Variants in RETREG1 observed in about 807,000 individuals in gnomAD.
The protein encoded by RETREG1 is reticulophagy regulator 1.
In RETREG1, 44 loss-of-function variants were observed where a neutral mutation model predicts 54.8. The ratio of observed to expected loss-of-function variants is 0.80; its 90% CI spans 0.63 to 1.03. The LOEUF (loss-of-function observed/expected upper bound fraction) is 1.03, where lower values mean the gene tolerates loss of function less well. Ranked by LOEUF, RETREG1 falls within the 50% of genes least tolerant of loss-of-function variation. RETREG1 has a pLI of 0.00. For missense variants in RETREG1, 554 were observed against 605.1 expected (o/e 0.92, Z 0.89); for synonymous variants, 217 against 238.5 (o/e 0.91, Z 0.83).
chr5:16,477,055 G>A (rs112478055), intron 8 of RETREG1, among the ~76,000 whole-genome samples: 509 of 152,218 alleles, frequency 3.3e-3, no homozygotes, highest in Non-Finnish European at 5.6e-3. Flanking sequence ...TAGGATTAGC[G>A]TCTATCTTTC....
chr5:16,576,572 G>A (rs1486439146), intron 1 of RETREG1, among the ~76,000 whole-genome samples: 1 of 151,944 alleles, frequency 6.6e-6, no homozygotes, highest in East Asian at 1.9e-4. Context: ...CGCAACCTCC[G>A]CCTCCCAGGT....
intron 3 of RETREG1, among the ~76,000 whole-genome samples, chr5:16,498,273 G>A (rs140573943): frequency 1.2e-4 from 18 of 152,294 alleles, no homozygotes; most frequent in African/African-American, 4.3e-4. Flanking sequence ...ACGTACCGAG[G>A]CTATAGGGTA....
chr5:16,521,546 C>T (rs191717999), intron 3 of RETREG1, among the ~76,000 whole-genome samples: 51 of 152,310 alleles, frequency 3.3e-4, no homozygotes, highest in Non-Finnish European at 6.0e-4. Flanking sequence ...AGTCTCACTG[C>T]TCTTAGCAAA....
chr5:16,493,061 G>A (rs1025116454), intron 3 of RETREG1, among the ~76,000 whole-genome samples: 3 of 152,130 alleles, frequency 2.0e-5, no homozygotes, highest in Non-Finnish European at 4.4e-5. Flanking sequence ...CTTCCTCAGA[G>A]CAACTTAGTG....
intron 3 of RETREG1, among the ~76,000 whole-genome samples, chr5:16,523,950 G>A (rs1351348499): frequency 6.6e-6 from 1 of 151,960 alleles, no homozygotes; most frequent in African/African-American, 2.4e-5. Flanking sequence ...TCCAACCCCA[G>A]GCGATTTGAA....
intron 3 of RETREG1, among the ~76,000 whole-genome samples, chr5:16,542,897 A>C (rs1328332563): frequency 2.6e-5 from 4 of 152,242 alleles, no homozygotes; most frequent in African/African-American, 7.2e-5. Context: ...AACTTTTGAC[A>C]GAGCTATACA....
chr5:16,530,297 C>T (rs1740874463), intron 3 of RETREG1, among the ~76,000 whole-genome samples: 2 of 152,216 alleles, frequency 1.3e-5, no homozygotes, highest in Admixed American at 1.3e-4. Context: ...GGCATTTCTG[C>T]CAAGCGACCC....
chr5:16,588,942 T>C (rs1454897582), intron 1 of RETREG1, among the ~76,000 whole-genome samples: 2 of 152,202 alleles, frequency 1.3e-5, no homozygotes, highest in Non-Finnish European at 2.9e-5. Flanking sequence ...GGGGGCCACT[T>C]ATCTGAAGGT....
intron 1 of RETREG1, among the ~76,000 whole-genome samples, chr5:16,610,882 T>C (rs930753754): frequency 2.6e-5 from 4 of 152,156 alleles, no homozygotes; most frequent in African/African-American, 9.7e-5. Flanking sequence ...GAAATACCAT[T>C]TGACCCAGCC....
At chr5:16,509,794 C>T (rs1446905046) in intron 3 of RETREG1, among the ~76,000 whole-genome samples, 3 of 151,824 alleles carry the variant, frequency 2.0e-5, no homozygotes, top group Admixed American at 1.3e-4. Context: ...CCCAGGAGTT[C>T]AAGACCAGCC....
intron 3 of RETREG1, among the ~76,000 whole-genome samples, chr5:16,504,528 C>A (rs1252725074): frequency 6.6e-6 from 1 of 152,186 alleles, no homozygotes; most frequent in Non-Finnish European, 1.5e-5. Flanking sequence ...CTCCTATGTA[C>A]CTCTCCCACT....
rs570265003 is a variant in RETREG1 at position 16,493,128 on chromosome 5, CTACT to C, written c.459-9660_459-9657del. Among the ~76,000 whole-genome samples, 472 of 152,224 alleles carry C rather than the reference CTACT, an allele frequency of 3.1e-3. 4 individuals are homozygous for C. The highest frequency in any genetic ancestry group is 5.4e-3 in the Non-Finnish European group (365 of 68,014). ...AAGTTTAAAACGACTCAGAGATCAGCTACTTACTTTTGCGATTGACCCTTTCCAC... is the reference window on the plus strand; with the variant it reads ...AAGTTTAAAACGACTCAGAGATCAGCTACTTTTGCGATTGACCCTTTCCAC... On this transcript the variant is annotated intron_variant, in intron 3 of 8. Transcript: ENST00000306320.
intron 3 of RETREG1, among the ~76,000 whole-genome samples, chr5:16,515,590 T>C (rs1167504217): frequency 1.3e-5 from 2 of 152,138 alleles, no homozygotes; most frequent in African/African-American, 4.8e-5. Context: ...GTCACAAACA[T>C]GACAACTGCA....
chr5:16,606,448 A>T (rs565673289), intron 1 of RETREG1, among the ~76,000 whole-genome samples: 11 of 152,046 alleles, frequency 7.2e-5, no homozygotes, highest in Admixed American at 6.6e-4. Flanking sequence ...TTCAAACTCA[A>T]CCTGCACTCT....
intron 1 of RETREG1, among the ~76,000 whole-genome samples, chr5:16,582,397 T>G (rs920864354): frequency 9.2e-5 from 14 of 152,214 alleles, no homozygotes; most frequent in Non-Finnish European, 5.9e-5. Context: ...TCTCCTATTT[T>G]TTTTTTCTAT....
intron 3 of RETREG1, chr5:16,509,081 G>C: frequency 1.1e-6 from 1 of 950,224 alleles, no homozygotes; most frequent in Non-Finnish European, 1.3e-6. Context: ...CCCACCTAAG[G>C]GTGGAGTGGC....
intron 3 of RETREG1, among the ~76,000 whole-genome samples, chr5:16,543,245 A>T (rs1359024789): frequency 6.6e-6 from 1 of 152,234 alleles, no homozygotes; most frequent in Admixed American, 6.5e-5. Flanking sequence ...ACCTCTGCTG[A>T]CAGATAGTTT....
chr5:16,509,406 A>T (rs1338371224), intron 3 of RETREG1: 1 of 152,128 alleles, frequency 6.6e-6, no homozygotes, highest in Non-Finnish European at 1.5e-5. Flanking sequence ...TCTCCCCAGG[A>T]CTTCCCTGTC....
intron 3 of RETREG1, among the ~76,000 whole-genome samples, chr5:16,554,737 T>C (rs1419793955): frequency 6.6e-6 from 1 of 152,214 alleles, no homozygotes; most frequent in Non-Finnish European, 1.5e-5. Context: ...CCCTATATAT[T>C]CTTCTACAAC....
Sources: gnomAD v4.1 joint callset for allele counts (sites outside exome capture counted in the v4.1 genomes callset) on GRCh38, gnomAD v4.1.1 for gene constraint, MANE v1.5 for transcripts, NCBI Gene and HGNC (gene_info 2026-07-23, HGNC 2026-07-21) for gene names.